Variants in FAM120C observed in about 807,000 individuals in gnomAD.
FAM120C encodes the protein constitutive coactivator of PPAR-gamma-like protein 2.
FAM120C carries 14 observed loss-of-function variants against 71.2 expected under a neutral mutation model. The observed-to-expected ratio is 0.20, with a 90% CI of 0.13 to 0.31. The LOEUF (loss-of-function observed/expected upper bound fraction) is 0.31, where lower values mean the gene tolerates loss of function less well. Among genes scored for constraint, FAM120C ranks in the 10% least tolerant of loss-of-function variants. The probability of loss-of-function intolerance (pLI) is 1.00; values close to 1 mark genes in which losing one functional copy is unlikely to be tolerated. For missense variants in FAM120C, 500 were observed against 879.0 expected (o/e 0.57, Z 5.45); for synonymous variants, 354 against 353.2 (o/e 1.00, Z -0.03).
chrX:54,143,338 G>T (rs1412833401), intron 4 of FAM120C, among the ~76,000 whole-genome samples: 4 of 106,787 alleles, frequency 3.7e-5, no homozygotes, highest in African/African-American at 1.4e-4. Context: ...AGGAAATACA[G>T]ACACAAAAAA....
chrX:54,113,380 A>T (rs1251882737), intron 10 of FAM120C, among the ~76,000 whole-genome samples: 2 of 109,078 alleles, frequency 1.8e-5, no homozygotes, highest in Non-Finnish European at 3.8e-5. Flanking sequence ...GAACTGCTTG[A>T]GGCTGGGAGG....
rs188249737 is a variant in FAM120C at position 54,179,644 on chromosome X, G to T, written c.699+2856C>A. 3.6e-5 allele frequency among the ~76,000 whole-genome samples: 4 copies of T among 111,460 alleles called. No homozygotes were observed. In the East Asian group the frequency reaches 1.1e-3, roughly 31 times the overall value. Reference sequence around the variant, plus strand: ...TAACATCGACAGACACTTTAGATATGCAATTTTGGAGCTGGTCTTAAATCC... The same window carrying T: ...TAACATCGACAGACACTTTAGATATTCAATTTTGGAGCTGGTCTTAAATCC... On this transcript the variant is annotated intron_variant, in intron 1 of 15. Transcript: ENST00000375180.
intron 3 of FAM120C, among the ~76,000 whole-genome samples, chrX:54,157,123 G>GT (rs1557133820): frequency 9.0e-6 from 1 of 111,117 alleles, no homozygotes; most frequent in Non-Finnish European, 1.9e-5. Flanking sequence ...TCTAGTCATT[G>GT]TATTTTCTCT....
At chrX:54,177,120 C>T (rs2067322910) in intron 1 of FAM120C, among the ~76,000 whole-genome samples, 2 of 111,268 alleles carry the variant, frequency 1.8e-5, no homozygotes, top group Non-Finnish European at 3.8e-5. Context: ...CAGGGGTGGC[C>T]AGAGGTGAGC....
intron 9 of FAM120C, among the ~76,000 whole-genome samples, chrX:54,118,176 T>C (rs1215382460): frequency 1.8e-5 from 2 of 108,867 alleles, no homozygotes; most frequent in African/African-American, 3.4e-5. Context: ...TGAGCCAAGA[T>C]TGTGCCATTG....
intron 1 of FAM120C, among the ~76,000 whole-genome samples, chrX:54,179,187 C>A (rs1225634302): frequency 8.9e-6 from 1 of 112,188 alleles, no homozygotes; most frequent in Non-Finnish European, 1.9e-5. Flanking sequence ...TCAAAAAATT[C>A]ATCCCAGCAA....
At chrX:54,172,267 T>C (rs1557136051) in intron 1 of FAM120C, among the ~76,000 whole-genome samples, 1 of 112,122 alleles carries the variant, frequency 8.9e-6, no homozygotes, top group African/African-American at 3.2e-5. Flanking sequence ...GCATCTTGAG[T>C]ATCATGTTCA....
intron 1 of FAM120C, among the ~76,000 whole-genome samples, chrX:54,167,709 G>A (rs1557135337): frequency 9.1e-6 from 1 of 110,206 alleles, no homozygotes; most frequent in Non-Finnish European, 1.9e-5. Flanking sequence ...GCTCATGCCT[G>A]TAATCCCAGC....
chrX:54,146,629 C>T (rs2067157815), intron 4 of FAM120C, among the ~76,000 whole-genome samples: 1 of 111,819 alleles, frequency 8.9e-6, no homozygotes, highest in Non-Finnish European at 1.9e-5. Flanking sequence ...TGCAGTGAGC[C>T]ATGTTTGTGC....
At chrX:54,148,732 A>G (rs1569533233) in intron 4 of FAM120C, among the ~76,000 whole-genome samples, 1 of 111,949 alleles carries the variant, frequency 8.9e-6, no homozygotes. Flanking sequence ...GAACAGCTAT[A>G]AAAAACACTG....
At chrX:54,144,123 C>A (rs2067141994) in intron 4 of FAM120C, among the ~76,000 whole-genome samples, 1 of 111,713 alleles carries the variant, frequency 9.0e-6, no homozygotes, top group Non-Finnish European at 1.9e-5. Context: ...GCCCTTCATG[C>A]TAAAAACTCT....
chrX:54,154,271 TG>T (rs1222318126), intron 3 of FAM120C, among the ~76,000 whole-genome samples: 2 of 66,149 alleles, frequency 3.0e-5, no homozygotes, highest in African/African-American at 5.9e-5. Context: ...ATGGGAGGGG[TG>T]GGGGGGAGTC....
intron 10 of FAM120C, among the ~76,000 whole-genome samples, chrX:54,104,996 C>A (rs2066899583): frequency 9.0e-6 from 1 of 111,170 alleles, no homozygotes; most frequent in Admixed American, 9.7e-5. Context: ...GGAGCTGGTA[C>A]CATTCCTTCT....
intron 2 of FAM120C, 70 bp from the exon 3 acceptor site, chrX:54,157,841 T>A: frequency 3.0e-6 from 2 of 674,803 alleles, no homozygotes; most frequent in Non-Finnish European, 4.7e-6. Flanking sequence ...ATGAAAGGGG[T>A]CCTGGGAGAG....
intron 1 of FAM120C, among the ~76,000 whole-genome samples, chrX:54,178,293 A>G (rs1448363529): frequency 1.8e-5 from 2 of 112,018 alleles, no homozygotes; most frequent in Non-Finnish European, 3.8e-5. Flanking sequence ...TTTGCCTTGT[A>G]CTGGCAGTAT....
intron 9 of FAM120C, among the ~76,000 whole-genome samples, chrX:54,129,106 C>T (rs1213542151): frequency 1.9e-5 from 2 of 103,691 alleles, no homozygotes; most frequent in Non-Finnish European, 4.0e-5. Flanking sequence ...GGGGGCTGAC[C>T]CCCCACCTCC....
intron 12 of FAM120C, 65 bp downstream of exon 12, chrX:54,087,690 C>G (rs1278519317): frequency 9.4e-7 from 1 of 1,058,827 alleles, no homozygotes; most frequent in African/African-American, 1.8e-5. Flanking sequence ...GCTCCTTTCC[C>G]CTCCCTGCCC....
At chrX:54,124,513 C>T (rs1185001172) in intron 9 of FAM120C, among the ~76,000 whole-genome samples, 3 of 94,765 alleles carry the variant, frequency 3.2e-5, no homozygotes, top group Non-Finnish European at 6.5e-5. Context: ...TTCTTTGACT[C>T]GGAAAGGGAA....
intron 4 of FAM120C, among the ~76,000 whole-genome samples, chrX:54,143,680 T>C (rs2067139265): frequency 9.0e-6 from 1 of 111,721 alleles, no homozygotes; most frequent in Non-Finnish European, 1.9e-5. Context: ...CAATAATTAA[T>C]AGCCTACCAA....
Sources: allele counts gnomAD v4.1 joint callset (sites outside exome capture counted in the v4.1 genomes callset), GRCh38; gene constraint gnomAD v4.1.1; transcripts MANE v1.5; gene names NCBI Gene and HGNC (gene_info 2026-07-23, HGNC 2026-07-21).